The following FABP2 variants were observed in gnomAD, a reference collection of about 807,000 sequenced individuals.
FABP2 encodes fatty acid binding protein 2, also known as fatty acid-binding protein, intestinal.
Under a neutral mutation model 16.1 loss-of-function variants are expected in FABP2, and 11 were observed. The ratio of observed to expected loss-of-function variants is 0.68; its 90% CI spans 0.43 to 1.13. FABP2 has a LOEUF of 1.13. FABP2 is among the 50% of genes most tolerant of loss of function. The probability of loss-of-function intolerance (pLI) is 0.00; values close to 1 mark genes in which losing one functional copy is unlikely to be tolerated. For synonymous variants in FABP2, 45 were observed against 50.9 expected, an observed-to-expected ratio of 0.88 and a Z score of 0.49; for missense variants, 146 against 155.1, an observed-to-expected ratio of 0.94 and a Z score of 0.31.
At chr4:119,319,919 A>G (rs1378531251) in intron 2 of FABP2, among the ~76,000 whole-genome samples, 2 of 151,984 alleles carry the variant, frequency 1.3e-5, no homozygotes, top group Non-Finnish European at 2.9e-5. Flanking sequence ...AATAATTTCC[A>G]TACGCTGAAT....
intron 2 of FABP2, among the ~76,000 whole-genome samples, 194 bp downstream of exon 2, chr4:119,320,476 C>T (rs939163240): frequency 6.6e-6 from 1 of 151,886 alleles, no homozygotes; most frequent in African/African-American, 2.4e-5. Flanking sequence ...TTCACAGATG[C>T]GTATAAAAAT....
chr4:119,318,899 G>T lies in FABP2; in HGVS notation c.*142C>A. ...AATTAGCTTTTACTTCTTTTGCTTT[G>T]GCATGAATGGAAATATACCAATGTT... On this transcript the variant is annotated 3_prime_UTR_variant, in exon 4 of 4. Transcript: ENST00000274024. 2 of 579,420 alleles carry T rather than the reference G, an allele frequency of 3.5e-6. No individual in the cohort carries two copies. The highest frequency in any genetic ancestry group is 2.0e-5 in the African/African-American group (1 of 50,852). The allele number at this position is 579,420 out of a possible 1,614,324, so 35.9% of individuals were successfully genotyped here. A position where few individuals can be genotyped will look rare whatever the true frequency, so the allele number is the denominator to read the frequency against.
rs574513127 is a variant in FABP2, at chr4:119,318,697, A to G, written c.*344T>C. 1 of 219,802 alleles carries G rather than the reference A, an allele frequency of 4.5e-6. No individual in the cohort carries two copies. Among genetic ancestry groups the G allele is most frequent in the African/African-American group, 2.4e-5 (1 of 42,358 alleles). The allele number at this position is 219,802 out of a possible 1,614,324, so 13.6% of individuals were successfully genotyped here. On this transcript the variant is annotated 3_prime_UTR_variant, in exon 4 of 4. Coordinates refer to ENST00000274024, the MANE Select transcript of FABP2 (RefSeq NM_000134.4). ...CACTACATTCCAGCCTGAGTGAAAG[A>G]GTAAGACCCTCTCTCTACGAAAACA...
chr4:119,321,958 T>C, intron 1 of FABP2, 78 bp downstream of exon 1: 5 of 1,179,170 alleles, frequency 4.2e-6, no homozygotes, highest in Non-Finnish European at 6.2e-6. Flanking sequence ...ATCTGTAATC[T>C]CCTAGAGATT....
Position 119,318,430 on chromosome 4 carries a change from A to T in FABP2, c.*611T>A, listed in dbSNP as rs1030570017. ...CATATGCAGCCTATGCTTTTAGTTT[A>T]TCAAATGTAAAGAAAAAAAACAACT... is the stretch of plus-strand genomic sequence containing the variant. On this transcript the variant is annotated 3_prime_UTR_variant, in exon 4 of 4. Transcript: ENST00000274024. The T allele has an allele frequency of 6.6e-6, 1 of 152,018 alleles. No individual in the cohort carries two copies. Among genetic ancestry groups the T allele is most frequent in the Admixed American group, 6.6e-5 (1 of 15,228 alleles). 9.4% of individuals were successfully genotyped at this position (152,018 alleles called of 1,614,324 possible). A position where few individuals can be genotyped will look rare whatever the true frequency, so the allele number is the denominator to read the frequency against.
In FABP2 at chr4:119,320,662, A is replaced by AT; in HGVS notation, c.240+7dup. 6.4e-7 allele frequency: 1 copy of AT among 1,554,122 alleles called. No homozygotes were observed. Among genetic ancestry groups the AT allele is most frequent in the South Asian group, 1.2e-5 (1 of 81,538 alleles). On this transcript the variant is annotated splice_region_variant and intron_variant, in intron 2 of 3. Transcript: ENST00000274024. ...GAATGCATTGCTCATAAAAAAAAAA[A>AT]TTCTTACCCTGAGTTCAGTTCCGTC...
intron 1 of FABP2, 93 bp downstream of exon 1, chr4:119,321,943 A>G (rs1755676100): frequency 9.9e-7 from 1 of 1,006,252 alleles, no homozygotes; most frequent in African/African-American, 1.6e-5. Context: ...AGCTATCTGT[A>G]AGCTATCTGT....
Position 119,318,912 on chromosome 4 carries a change from A to G in FABP2, c.*129T>C. 3 of 659,604 alleles carry G rather than the reference A, an allele frequency of 4.5e-6. No homozygotes were observed. The highest frequency in any genetic ancestry group is 7.8e-6 in the Non-Finnish European group (3 of 386,650). The allele number at this position is 659,604 out of a possible 1,614,324, so 40.9% of individuals were successfully genotyped here. A position where few individuals can be genotyped will look rare whatever the true frequency, so the allele number is the denominator to read the frequency against. ...TTCTTTTGCTTTGGCATGAATGGAA[A>G]TATACCAATGTTTATAAAAGGACCA... On this transcript the variant is annotated 3_prime_UTR_variant, in exon 4 of 4. Transcript: ENST00000274024.
rs906695542 is a variant in FABP2, at chr4:119,318,662, A to G, written c.*379T>C. The G allele has an allele frequency of 2.3e-5, 4 of 176,114 alleles. No homozygotes were observed. The highest frequency in any genetic ancestry group is 4.7e-5 in the Non-Finnish European group (4 of 84,412). The allele number at this position is 176,114 out of a possible 1,614,324, so 10.9% of individuals were successfully genotyped here. A position where few individuals can be genotyped will look rare whatever the true frequency, so the allele number is the denominator to read the frequency against. On this transcript the variant is annotated 3_prime_UTR_variant, in exon 4 of 4. Transcript: ENST00000274024. ...CAGGAGTTTGAGGTTACAGTGAGCT[A>G]TGATCTCTCCACTACATTCCAGCCT...
chr4:119,321,708 G>A (rs529551477), intron 1 of FABP2, among the ~76,000 whole-genome samples: 133 of 152,174 alleles, frequency 8.7e-4, no homozygotes, highest in Middle Eastern at 6.8e-3. Flanking sequence ...AGATCTGGAA[G>A]TTATCATTAC....
chr4:119,318,820 A>G lies in FABP2; in HGVS notation c.*221T>C. Reference sequence around the variant, plus strand: ...ATTTATTTTTGTTTTTTAAAATGTCACAAATTCTTTTAGTAAATATATATC... The same window carrying G: ...ATTTATTTTTGTTTTTTAAAATGTCGCAAATTCTTTTAGTAAATATATATC... On this transcript the variant is annotated 3_prime_UTR_variant, in exon 4 of 4. Transcript: ENST00000274024. 2.6e-6 allele frequency: 1 copy of G among 386,992 alleles called. No individual in the cohort carries two copies. The highest frequency in any genetic ancestry group is 4.7e-6 in the Non-Finnish European group (1 of 213,372). The allele number at this position is 386,992 out of a possible 1,614,324, so 24.0% of individuals were successfully genotyped here. A position where few individuals can be genotyped will look rare whatever the true frequency, so the allele number is the denominator to read the frequency against.
At chr4:119,321,917 T>G in intron 1 of FABP2, 119 bp downstream of exon 1, 1 of 759,980 alleles carries the variant, frequency 1.3e-6, no homozygotes, top group Admixed American at 2.5e-5. Context: ...TTCTGGATCC[T>G]CTCTACCACA....
At chr4:119,321,019 A>C (rs754707355) in intron 1 of FABP2, among the ~76,000 whole-genome samples, 177 bp from the exon 2 acceptor site, 14 of 152,128 alleles carry the variant, frequency 9.2e-5, no homozygotes, top group Non-Finnish European at 1.5e-4. Flanking sequence ...AGATCAAGAG[A>C]ACTGATTAAA....
In FABP2 at chr4:119,317,841, G is replaced by T. The variant is rs1490293951; in HGVS notation, c.*1200C>A. ...AAACTTTTTGAGCCCTGGAAAATTG[G>T]CAATGTATGTGTTTATGTGAAAAAA... On this transcript the variant is annotated 3_prime_UTR_variant, in exon 4 of 4. Transcript: ENST00000274024. 1 of 151,970 alleles carries T rather than the reference G, an allele frequency of 6.6e-6. No homozygotes were observed. Among genetic ancestry groups the T allele is most frequent in the Non-Finnish European group, 1.5e-5 (1 of 67,968 alleles). The allele number at this position is 151,970 out of a possible 1,614,324, so 9.4% of individuals were successfully genotyped here.
At chr4:119,320,633 T>G (rs373384587) in intron 2 of FABP2, 37 bp downstream of exon 2, 6 of 1,479,038 alleles carry the variant, frequency 4.1e-6, no homozygotes, top group Non-Finnish European at 5.4e-6. Context: ...GGTAGAAAAA[T>G]CAAGAATGCA....
intron 3 of FABP2, among the ~76,000 whole-genome samples, 181 bp from the exon 4 acceptor site, chr4:119,319,272 G>A (rs571330932): frequency 2.0e-4 from 30 of 151,642 alleles, no homozygotes; most frequent in African/African-American, 7.2e-4. Flanking sequence ...GATTTATACA[G>A]ATATGGGATA....
intron 1 of FABP2, among the ~76,000 whole-genome samples, chr4:119,321,185 A>G (rs1755663123): frequency 6.6e-6 from 1 of 152,120 alleles, no homozygotes; most frequent in Non-Finnish European, 1.5e-5. Context: ...GTATATTCAT[A>G]TATTTATAAG....
Position 119,319,574 on chromosome 4 carries a change from T to C in FABP2, c.310A>G (p.Asn104Asp), listed in dbSNP as rs750797016. 6.4e-7 allele frequency: 1 copy of C among 1,556,248 alleles called. No homozygotes were observed. The highest frequency in any genetic ancestry group is 8.7e-7 in the Non-Finnish European group (1 of 1,151,554). ...TCACCTATAATTTCTCGGACAGTAT[T>C]CAGTTCGTTTCCATTGTCTGTCCGT... ...FKRTDNGNELNTVREIIGDEL... is the reference protein window; with the variant it reads ...FKRTDNGNELDTVREIIGDEL... The change falls in exon 3 of 4, where the codon AAT (asparagine) becomes GAT (aspartate). Residue 104 changes from asparagine to aspartate, a missense_variant. Coordinates refer to ENST00000274024, the MANE Select transcript of FABP2 (RefSeq NM_000134.4).
At position 119,320,727 on chromosome 4, in the gene FABP2, A is replaced by G; in HGVS notation, c.183T>C (p.Val61=). 6.2e-7 allele frequency: 1 copy of G among 1,604,524 alleles called. No homozygotes were observed. The highest frequency in any genetic ancestry group is 8.5e-7 in the Non-Finnish European group (1 of 1,176,956). ...KESSTFRNIE[V]VFELGVTFNY... ...TAAAGGTGACACCAAGTTCAAAAACAACTTCAATGTTTCGAAAAGTGCTTG... is the reference window on the plus strand; with the variant it reads ...TAAAGGTGACACCAAGTTCAAAAACGACTTCAATGTTTCGAAAAGTGCTTG... Residue 61 remains valine, a synonymous_variant, in exon 2 of 4, where the codon GTT becomes GTC. Transcript: ENST00000274024.
Sources: gnomAD v4.1 joint callset for allele counts (sites outside exome capture counted in the v4.1 genomes callset) on GRCh38, gnomAD v4.1.1 for gene constraint, MANE v1.5 for transcripts, NCBI Gene and HGNC (gene_info 2026-07-23, HGNC 2026-07-21) for gene names.